The following PTN variants were observed in gnomAD, a reference collection of about 807,000 sequenced individuals.
The protein encoded by PTN is heparin affin regulatory protein.
In PTN, 18 loss-of-function variants were observed where a neutral mutation model predicts 24.1. That is an observed-to-expected ratio of 0.75 (90% CI 0.52 to 1.11). The LOEUF (loss-of-function observed/expected upper bound fraction) is 1.11, where lower values mean the gene tolerates loss of function less well. PTN is among the 50% of genes least tolerant of loss of function. The pLI is 0.00. For synonymous variants in PTN, 78 were observed against 68.6 expected (o/e 1.14, Z -0.67); for missense variants, 163 against 198.8 (o/e 0.82, Z 1.08).
At chr7:137,275,897 G>C (rs1809352111) in intron 1 of PTN, among the ~76,000 whole-genome samples, 1 of 152,206 alleles carries the variant, frequency 6.6e-6, no homozygotes, top group African/African-American at 2.4e-5. Flanking sequence ...ATTAGCTACT[G>C]ACTTCAGATG....
At chr7:137,287,298 A>AGTG (rs1809572193) in intron 1 of PTN, among the ~76,000 whole-genome samples, 1 of 152,188 alleles carries the variant, frequency 6.6e-6, no homozygotes, top group Non-Finnish European at 1.5e-5. Flanking sequence ...CTTTCAAATA[A>AGTG]CTTCTATTTC....
At chr7:137,270,297 C>T (rs942457465) in intron 1 of PTN, among the ~76,000 whole-genome samples, 6 of 152,230 alleles carry the variant, frequency 3.9e-5, no homozygotes, top group African/African-American at 1.2e-4. Flanking sequence ...AAAGATTTAA[C>T]TTCCCTGAAG....
chr7:137,305,783 T>G (rs1809878805), intron 1 of PTN, among the ~76,000 whole-genome samples: 1 of 152,060 alleles, frequency 6.6e-6, no homozygotes, highest in Non-Finnish European at 1.5e-5. Flanking sequence ...CTTATGGACT[T>G]CAAGTATACA....
intron 1 of PTN, among the ~76,000 whole-genome samples, chr7:137,327,387 C>G (rs538764773): frequency 1.3e-5 from 2 of 152,208 alleles, no homozygotes; most frequent in African/African-American, 4.8e-5. Context: ...GCCACTCACT[C>G]TCTGCACAAA....
chr7:137,328,427 T>C (rs1281023580), intron 1 of PTN, among the ~76,000 whole-genome samples: 3 of 152,218 alleles, frequency 2.0e-5, no homozygotes, highest in Non-Finnish European at 4.4e-5. Flanking sequence ...TGTTCATCTG[T>C]GTCCCACTGT....
intron 1 of PTN, among the ~76,000 whole-genome samples, chr7:137,320,245 T>A (rs1439703727): frequency 1.3e-5 from 2 of 152,254 alleles, no homozygotes; most frequent in Non-Finnish European, 2.9e-5. Flanking sequence ...TCACAGGCAC[T>A]GTCTCTTCCC....
chr7:137,338,646 G>T (rs1422710902), intron 1 of PTN, among the ~76,000 whole-genome samples: 2 of 152,102 alleles, frequency 1.3e-5, no homozygotes, highest in East Asian at 3.8e-4. Flanking sequence ...ATATTGAGTA[G>T]ATCATTAGCT....
chr7:137,267,808 A>G (rs906575257), intron 1 of PTN, among the ~76,000 whole-genome samples: 2 of 152,106 alleles, frequency 1.3e-5, no homozygotes, highest in Admixed American at 6.5e-5. Context: ...GTATCAGGAA[A>G]TCCAAGCCAG....
At chr7:137,301,349 T>G (rs568701987) in intron 1 of PTN, among the ~76,000 whole-genome samples, 1 of 151,902 alleles carries the variant, frequency 6.6e-6, no homozygotes, top group Non-Finnish European at 1.5e-5. Flanking sequence ...TCATAGCACC[T>G]GTACCGTAAA....
chr7:137,247,954 A>G (rs987533589), intron 4 of PTN, among the ~76,000 whole-genome samples: 1 of 152,218 alleles, frequency 6.6e-6, no homozygotes, highest in African/African-American at 2.4e-5. Context: ...TGGCACTGTC[A>G]TTTATTAGAG....
At chr7:137,270,075 C>A (rs574978936) in intron 1 of PTN, among the ~76,000 whole-genome samples, 2 of 152,146 alleles carry the variant, frequency 1.3e-5, no homozygotes, top group Non-Finnish European at 2.9e-5. Flanking sequence ...TCTCAAGACA[C>A]GACAGTGACA....
intron 1 of PTN, among the ~76,000 whole-genome samples, chr7:137,268,975 A>G (rs913791868): frequency 6.6e-6 from 1 of 152,158 alleles, no homozygotes; most frequent in Non-Finnish European, 1.5e-5. Flanking sequence ...TGTAGGTTAC[A>G]AAGATTTTTG....
chr7:137,336,988 T>C (rs143366890), intron 1 of PTN, among the ~76,000 whole-genome samples: 8 of 152,354 alleles, frequency 5.3e-5, no homozygotes, highest in African/African-American at 1.7e-4. Context: ...CAGTGGTTTA[T>C]ACCTCAGTAT....
Position 137,289,931 on chromosome 7 carries a change from T to C in PTN, c.-1-34957A>G, listed in dbSNP as rs11978153. 1.6e-3 allele frequency among the ~76,000 whole-genome samples: 243 copies of C among 152,330 alleles called. 1 individual carries two copies. The highest frequency in any genetic ancestry group is 2.8e-3 in the Non-Finnish European group (188 of 68,030). On this transcript the variant is annotated intron_variant, in intron 1 of 4. Coordinates refer to ENST00000348225, the MANE Select transcript of PTN (RefSeq NM_002825.7). ...GAATCGTTTTAAGTCATTACATTTA[T>C]AGTAATTTGTTATATGGTGTATTAG...
chr7:137,324,417 T>TAAAAAAA (rs1366943397), intron 1 of PTN, among the ~76,000 whole-genome samples: 6 of 63,474 alleles, frequency 9.5e-5, no homozygotes, highest in African/African-American at 2.6e-4. Context: ...ACCCTGTCTC[T>TAAAAAAA]AAAAAAAAAA....
intron 4 of PTN, chr7:137,236,294 A>T (rs1479485911): frequency 1.3e-5 from 9 of 701,726 alleles, no homozygotes; most frequent in Non-Finnish European, 2.1e-5. Flanking sequence ...TAAAGGGCCC[A>T]TTCAGGATGC....
intron 1 of PTN, among the ~76,000 whole-genome samples, chr7:137,336,780 C>G (rs1490856800): frequency 6.6e-6 from 1 of 152,150 alleles, no homozygotes; most frequent in Non-Finnish European, 1.5e-5. Context: ...GCTGCTTCAC[C>G]ATGATCATCA....
intron 1 of PTN, among the ~76,000 whole-genome samples, chr7:137,276,882 T>A (rs1809369487): frequency 6.6e-6 from 1 of 152,142 alleles, no homozygotes; most frequent in African/African-American, 2.4e-5. Context: ...GTTTGATACT[T>A]AGAAATATCA....
chr7:137,254,530 GT>G (rs1338358230), intron 2 of PTN, among the ~76,000 whole-genome samples: 1 of 129,592 alleles, frequency 7.7e-6, no homozygotes, highest in Non-Finnish European at 1.5e-5. Flanking sequence ...AGAAAAACAA[GT>G]TGCAGTGCAT....
Sources: allele counts gnomAD v4.1 joint callset (sites outside exome capture counted in the v4.1 genomes callset), GRCh38; gene constraint gnomAD v4.1.1; transcripts MANE v1.5; gene names NCBI Gene and HGNC (gene_info 2026-07-23, HGNC 2026-07-21).